DMD: variants seen among roughly 807,000 people sequenced by gnomAD.
DMD encodes dystrophin.
In DMD, 63 loss-of-function variants were observed where a neutral mutation model predicts 330.1. That is an observed-to-expected ratio of 0.19 (90% confidence interval 0.16 to 0.24). The LOEUF (loss-of-function observed/expected upper bound fraction) is 0.24. Ranked by LOEUF, DMD falls within the 10% of genes least tolerant of loss-of-function variation. The pLI is 1.00. For missense variants in DMD, 3,344 were observed against 2,684.1 expected, an observed-to-expected ratio of 1.25 and a Z score of -5.43; for synonymous variants, 1,223 against 959.8, an observed-to-expected ratio of 1.27 and a Z score of -5.07.
chrX:32,255,488 G>T (rs2097294736), intron 43 of DMD, among the ~76,000 whole-genome samples: 2 of 110,541 alleles, frequency 1.8e-5, no homozygotes, highest in South Asian at 7.6e-4. Flanking sequence ...AGACCATATG[G>T]CCCGCAAAGC....
At chrX:31,817,953 C>A (rs1310759978) in intron 50 of DMD, among the ~76,000 whole-genome samples, 1 of 111,940 alleles carries the variant, frequency 8.9e-6, no homozygotes, top group Non-Finnish European at 1.9e-5. Context: ...TTCTGATGTT[C>A]TCTTAACAGA....
intron 11 of DMD, among the ~76,000 whole-genome samples, chrX:32,637,489 A>G (rs1442730430): frequency 3.6e-5 from 4 of 111,812 alleles, no homozygotes; most frequent in Non-Finnish European, 7.5e-5. Flanking sequence ...TTCCAAAGTC[A>G]CTTCCACGTG....
At chrX:33,149,007 G>A (rs1038391942) in intron 1 of DMD, among the ~76,000 whole-genome samples, 2 of 110,920 alleles carry the variant, frequency 1.8e-5, no homozygotes, top group Admixed American at 9.7e-5. Flanking sequence ...AGAGACTGGG[G>A]TTTGATGGAT....
At chrX:32,687,852 T>G (rs1342241974) in intron 9 of DMD, among the ~76,000 whole-genome samples, 1 of 111,209 alleles carries the variant, frequency 9.0e-6, no homozygotes, top group African/African-American at 3.3e-5. Context: ...ATTACACAGG[T>G]GAGCTAAGCA....
chrX:32,287,679 T>G lies in DMD; in HGVS notation c.6140A>C (p.Gln2047Pro). ...AATAATGTCAATCCGACCTGAGCTT[T>G]GTTGTAGACTATCTTTTATATTCTG... ...SLKNIKDSLQ[Q>P]SSGRIDIIHS... The change falls in exon 43 of 79, where the codon CAA becomes CCA. Residue 2047 changes from glutamine (Q) to proline (P), a missense_variant. Transcript: ENST00000357033. The G allele has an allele frequency of 8.3e-7, 1 of 1,203,861 alleles. No homozygotes were observed. Among genetic ancestry groups the G allele is most frequent in the South Asian group, 1.8e-5 (1 of 56,020 alleles).
At chrX:32,561,456 AAAAAG>A (rs758987534) in intron 16 of DMD, among the ~76,000 whole-genome samples, 8 of 111,833 alleles carry the variant, frequency 7.2e-5, no homozygotes, top group African/African-American at 2.3e-4. Context: ...AAGATTAGAG[AAAAAG>A]AAAAGAATAA....
chrX:32,138,885 A>G (rs941362716), intron 44 of DMD, among the ~76,000 whole-genome samples: 10 of 112,260 alleles, frequency 8.9e-5, no homozygotes, highest in African/African-American at 2.9e-4. Context: ...TGCATTGTCT[A>G]TATCCTATTT....
chrX:32,043,209 A>T (rs185293182), intron 44 of DMD, among the ~76,000 whole-genome samples: 96 of 111,999 alleles, frequency 8.6e-4, no homozygotes, highest in African/African-American at 3.1e-3. Context: ...GAAAGAAAAA[A>T]CTTAAAAGAA....
At chrX:33,042,508 G>A (rs191212623) in intron 1 of DMD, among the ~76,000 whole-genome samples, 3 of 111,802 alleles carry the variant, frequency 2.7e-5, no homozygotes, top group East Asian at 2.8e-4. Context: ...CTGGATTGGC[G>A]AATGGGATAA....
chrX:32,835,706 G>C (rs1192872224), intron 4 of DMD, among the ~76,000 whole-genome samples: 2 of 111,581 alleles, frequency 1.8e-5, no homozygotes, highest in African/African-American at 6.5e-5. Context: ...GAGGAACAGG[G>C]TTAAACTGAG....
chrX:33,158,963 T>C (rs2048633663), intron 1 of DMD, among the ~76,000 whole-genome samples: 1 of 111,855 alleles, frequency 8.9e-6, no homozygotes, highest in Non-Finnish European at 1.9e-5. Context: ...TCTGCATACA[T>C]CAATATTTTT....
At chrX:32,058,911 C>A (rs2147644809) in intron 44 of DMD, among the ~76,000 whole-genome samples, 1 of 111,319 alleles carries the variant, frequency 9.0e-6, no homozygotes, top group East Asian at 2.8e-4. Context: ...TATCATTCTG[C>A]CACAAAAAGG....
chrX:31,220,896 A>ATTTTTTT (rs61226425), intron 64 of DMD, among the ~76,000 whole-genome samples: 2 of 34,820 alleles, frequency 5.7e-5, no homozygotes, highest in Non-Finnish European at 9.3e-5. Flanking sequence ...TTTTTTTGCG[A>ATTTTTTT]TTTTTTTTTT....
chrX:31,251,957 A>C (rs1484324234), intron 63 of DMD, among the ~76,000 whole-genome samples: 5 of 112,506 alleles, frequency 4.4e-5, no homozygotes, highest in Non-Finnish European at 9.4e-5. Flanking sequence ...TCTAAGGAAC[A>C]ATTCTTTTTG....
chrX:33,316,682 T>C (rs1421923843), intron 1 of DMD, among the ~76,000 whole-genome samples: 2 of 111,402 alleles, frequency 1.8e-5, no homozygotes, highest in Non-Finnish European at 3.8e-5. Context: ...TTGCTCCATG[T>C]TTCTGTCTCA....
chrX:32,811,509 C>T (rs908486115), intron 6 of DMD, among the ~76,000 whole-genome samples: 2 of 111,982 alleles, frequency 1.8e-5, no homozygotes, highest in Non-Finnish European at 3.8e-5. Context: ...AATGTACAAT[C>T]TTTTATTGCC....
chrX:32,603,009 T>A (rs1336187971), intron 12 of DMD, among the ~76,000 whole-genome samples: 9 of 111,639 alleles, frequency 8.1e-5, no homozygotes, highest in Non-Finnish European at 1.9e-5. Context: ...AGTATTAATA[T>A]CCTTCCAGGC....
chrX:32,352,636 T>A (rs769416648), intron 37 of DMD, among the ~76,000 whole-genome samples: 11 of 110,997 alleles, frequency 9.9e-5, no homozygotes, highest in Non-Finnish European at 1.9e-4. Flanking sequence ...TGTAAAGAAC[T>A]AATATCTCAT....
chrX:32,619,666 G>T (rs113128314), intron 11 of DMD, among the ~76,000 whole-genome samples: 1 of 111,741 alleles, frequency 8.9e-6, no homozygotes, highest in Admixed American at 9.5e-5. Flanking sequence ...TCTGTTGAGT[G>T]TGTGTGTGGA....
Sources: gnomAD v4.1 joint callset for allele counts (sites outside exome capture counted in the v4.1 genomes callset) on GRCh38, gnomAD v4.1.1 for gene constraint, MANE v1.5 for transcripts, NCBI Gene and HGNC (gene_info 2026-07-23, HGNC 2026-07-21) for gene names.